Variants in COL12A1 observed in about 807,000 individuals in gnomAD.
COL12A1 encodes the protein collagen type XII alpha 1 chain, also known as collagen alpha-1(XII) chain.
Under a neutral mutation model 349.7 loss-of-function variants are expected in COL12A1, and 114 were observed. The ratio of observed to expected loss-of-function variants is 0.33; its 90% CI spans 0.28 to 0.38. COL12A1 has a LOEUF of 0.38. Among genes scored for constraint, COL12A1 ranks in the 10% least tolerant of loss-of-function variants. The pLI, the probability that COL12A1 is intolerant of heterozygous loss-of-function variation, is 1.00. For synonymous variants in COL12A1, 1,369 were observed against 1,329.0 expected, an observed-to-expected ratio of 1.03 and a Z score of -0.66; for missense variants, 3,284 against 3,756.9, an observed-to-expected ratio of 0.87 and a Z score of 3.29.
intron 51 of COL12A1, among the ~76,000 whole-genome samples, chr6:75,111,599 A>G (rs187877226): frequency 6.6e-6 from 1 of 151,948 alleles, no homozygotes. Flanking sequence ...AGTCCTTTTT[A>G]GCAAGTTACT....
chr6:75,179,365 A>T (rs1022602294), intron 11 of COL12A1, among the ~76,000 whole-genome samples: 2 of 152,066 alleles, frequency 1.3e-5, no homozygotes, highest in African/African-American at 2.4e-5. Flanking sequence ...AAATGCTGAA[A>T]AGAAAGGGTC....
Position 75,090,452 on chromosome 6 carries a change from A to G in COL12A1, c.8753-154T>C, listed in dbSNP as rs2149327382. On this transcript the variant is annotated intron_variant, in intron 62 of 65. Coordinates refer to ENST00000322507, the MANE Select transcript of COL12A1 (RefSeq NM_004370.6). The surrounding 1 kb of genome is among the most constrained non-coding windows in gnomAD (Gnocchi z 4.1). ...TTAGAATCCTAAAAATAAAATTAAG[A>G]CAGTCTAATCATCGAGGACAAAATG... Among the ~76,000 whole-genome samples the G allele has an allele frequency of 6.6e-6, 1 of 152,244 alleles. No individual in the cohort carries two copies. Among genetic ancestry groups the G allele is most frequent in the South Asian group, 2.1e-4 (1 of 4,820 alleles).
chr6:75,132,228 A>C (rs1348583648), intron 34 of COL12A1, 146 bp from the exon 35 acceptor site: 7 of 1,070,304 alleles, frequency 6.5e-6, no homozygotes, highest in Non-Finnish European at 9.1e-6. Context: ...AAGGCAGATT[A>C]AAACTCTCCA....
At position 75,117,473 on chromosome 6, in the gene COL12A1, A is replaced by G. The variant is rs777334909; in HGVS notation, c.7428T>C (p.Ser2476=). The G allele has an allele frequency of 2.0e-5, 33 of 1,613,664 alleles. 1 individual carries two copies. The highest frequency in any genetic ancestry group is 2.5e-6 in the Non-Finnish European group (3 of 1,179,728). ...CGTCCACAATGAACACGTGCCGTTC[A>G]CTTGGTTTGCTGGCAATGTTGGCAA... The part of the protein sequence containing the change: ...NELANIASKP[S]ERHVFIVDDF... The change falls in exon 47 of 66, where the codon AGT becomes AGC. Residue 2476 remains serine, a synonymous_variant. Transcript: ENST00000322507.
At position 75,175,057 on chromosome 6, in the gene COL12A1, A is replaced by C. The variant is rs1554186131; in HGVS notation, c.2691T>G (p.Gly897=). ...AATTACCTTCAAGTGTTGTTCCTTC[A>C]CCAAAGAGGGCGTCTCCAGCCCCAG... ...YASGAGDALF[G]EGTTLEERGS... is the part of the protein sequence containing the mutation. The change falls in exon 13 of 66, where the codon GGT becomes GGG. Residue 897 remains glycine, a synonymous_variant. Coordinates refer to ENST00000322507, the MANE Select transcript of COL12A1 (RefSeq NM_004370.6). 6.2e-7 allele frequency: 1 copy of C among 1,614,034 alleles called. No homozygotes were observed. Among genetic ancestry groups the C allele is most frequent in the Admixed American group, 1.7e-5 (1 of 59,990 alleles).
intron 2 of COL12A1, among the ~76,000 whole-genome samples, chr6:75,201,559 C>T (rs886225612): frequency 3.9e-5 from 6 of 152,012 alleles, no homozygotes; most frequent in Non-Finnish European, 4.4e-5. Flanking sequence ...CAACCCAGAA[C>T]TTCCACAGCT....
At chr6:75,169,904 T>C (rs769756122) in intron 13 of COL12A1, among the ~76,000 whole-genome samples, 7 of 152,228 alleles carry the variant, frequency 4.6e-5, no homozygotes, top group African/African-American at 7.2e-5. Context: ...CTGTCCTTAT[T>C]ATAAAACATA....
intron 34 of COL12A1, 37 bp downstream of exon 34, chr6:75,133,256 T>A: frequency 6.5e-7 from 1 of 1,535,268 alleles, no homozygotes. Context: ...AAGCAACACT[T>A]ATGATGAAAA....
chr6:75,089,212 T>A (rs1767645052), intron 63 of COL12A1, 38 bp from the exon 64 acceptor site: 2 of 1,450,018 alleles, frequency 1.4e-6, no homozygotes, highest in African/African-American at 2.9e-5. Context: ...AGGGGAAAAA[T>A]TATCTGGAAG....
intron 14 of COL12A1, among the ~76,000 whole-genome samples, chr6:75,162,204 C>T (rs1268734401): frequency 1.3e-5 from 2 of 151,966 alleles, no homozygotes; most frequent in Admixed American, 1.3e-4. Flanking sequence ...ACAATCCTAC[C>T]CACAAAGAAC....
chr6:75,128,901 A>G (rs1766156030), intron 37 of COL12A1, among the ~76,000 whole-genome samples: 1 of 152,206 alleles, frequency 6.6e-6, no homozygotes, highest in Non-Finnish European at 1.5e-5. Context: ...TTCTGGCCTC[A>G]AAAATATCAG....
chr6:75,095,705 T>C (rs532932628), intron 59 of COL12A1, among the ~76,000 whole-genome samples: 1 of 151,610 alleles, frequency 6.6e-6, no homozygotes, highest in African/African-American at 2.4e-5. Flanking sequence ...TTATGGACTA[T>C]ATAGTTTTAA....
intron 64 of COL12A1, 45 bp from the exon 65 acceptor site, chr6:75,087,792 C>G: frequency 6.3e-7 from 1 of 1,589,450 alleles, no homozygotes; most frequent in Non-Finnish European, 8.5e-7. Flanking sequence ...TTGTCAAATA[C>G]AACTCCTGAG....
chr6:75,105,217 G>T lies in COL12A1; in HGVS notation c.8254C>A (p.Pro2752Thr), dbSNP rs1768489455. 11 of 1,613,066 alleles carry T rather than the reference G, an allele frequency of 6.8e-6. No individual in the cohort carries two copies. The highest frequency in any genetic ancestry group is 1.7e-4 in the Middle Eastern group (1 of 6,060). The change falls in exon 54 of 66, where the codon CCA becomes ACA. Residue 2752 changes from proline (P) to threonine (T), a missense_variant. This residue lies in a region of COL12A1 where 683 missense variants were observed against 932.1 expected (regional missense o/e 0.73). Transcript: ENST00000322507. ...TTCAATTTCCTTACTGCAGGGCCTG[G>T]AGGTCCTGGAGGTCCAACGCTGTCC... ...TQDSVGPPGP[P>T]GPAGGPGAKG...
rs890398079 is a variant in COL12A1, at chr6:75,137,427, A to T, written c.5394+10T>A. Reference sequence around the variant, plus strand: ...ATTAATCCAAGTTATAATTTTTATTAAAAAATTACCGTTTGCTCATTGCCT... The same window carrying T: ...ATTAATCCAAGTTATAATTTTTATTTAAAAATTACCGTTTGCTCATTGCCT... On this transcript the variant is annotated intron_variant, in intron 31 of 65. Coordinates refer to ENST00000322507, the MANE Select transcript of COL12A1 (RefSeq NM_004370.6). The T allele has an allele frequency of 1.3e-5, 20 of 1,558,188 alleles. No homozygotes were observed. Among genetic ancestry groups the T allele is most frequent in the African/African-American group, 1.3e-4 (9 of 71,810 alleles).
chr6:75,095,398 A>G (rs1253500864), intron 59 of COL12A1, among the ~76,000 whole-genome samples: 2 of 151,944 alleles, frequency 1.3e-5, no homozygotes, highest in Non-Finnish European at 2.9e-5. Flanking sequence ...CGGGTGGATC[A>G]TGAGGTCAGG....
Position 75,184,653 on chromosome 6 carries a change from C to T in COL12A1, c.998-509G>A, listed in dbSNP as rs143960091. Among the ~76,000 whole-genome samples the T allele has an allele frequency of 1.5e-3, 235 of 152,192 alleles. 2 individuals carry two copies. The highest frequency in any genetic ancestry group is 5.4e-3 in the African/African-American group (225 of 41,538). ...AATGACAGGTTCTTATAATTTTAAA[C>T]AATTTTATTTTCACTAGTTTCAGGG... On this transcript the variant is annotated intron_variant, in intron 8 of 65. Transcript: ENST00000322507.
intron 22 of COL12A1, 116 bp from the exon 23 acceptor site, chr6:75,147,920 A>C (rs1179249711): frequency 8.9e-7 from 1 of 1,123,448 alleles, no homozygotes; most frequent in Admixed American, 2.6e-5. Flanking sequence ...CAATTAGGCC[A>C]TTGTCTTTTG....
At chr6:75,157,100 A>G (rs2149425540) in intron 14 of COL12A1, among the ~76,000 whole-genome samples, 1 of 152,292 alleles carries the variant, frequency 6.6e-6, no homozygotes, top group South Asian at 2.1e-4. Context: ...AGTATTTCAG[A>G]AAGCACTATC....
Sources: allele counts gnomAD v4.1 joint callset (sites outside exome capture counted in the v4.1 genomes callset), GRCh38; gene constraint gnomAD v4.1.1; regional missense constraint gnomAD v4.1.1; non-coding constraint Gnocchi (gnomAD v3.1); transcripts MANE v1.5; gene names NCBI Gene and HGNC (gene_info 2026-07-23, HGNC 2026-07-21).